The following CTNND2 variants were observed in gnomAD, a reference collection of about 807,000 sequenced individuals.
The protein encoded by CTNND2 is catenin delta-2.
Under a neutral mutation model 144.4 loss-of-function variants are expected in CTNND2, and 22 were observed. That is an observed-to-expected ratio of 0.15 (90% CI 0.11 to 0.22). The LOEUF is 0.22. CTNND2 is among the 10% of genes least tolerant of loss of function. CTNND2 has a pLI of 1.00. For missense variants in CTNND2, 1,353 were observed against 1,618.8 expected, an observed-to-expected ratio of 0.84 and a Z score of 2.82; for synonymous variants, 751 against 695.6, an observed-to-expected ratio of 1.08 and a Z score of -1.25.
chr5:11,492,500 T>C (rs949923453), intron 3 of CTNND2, among the ~76,000 whole-genome samples: 14 of 121,056 alleles, frequency 1.2e-4, no homozygotes, highest in African/African-American at 5.4e-4. Context: ...GCTATATATA[T>C]ATATATGTGT....
intron 3 of CTNND2, among the ~76,000 whole-genome samples, chr5:11,510,081 C>T (rs1276255699): frequency 6.6e-6 from 1 of 152,074 alleles, no homozygotes; most frequent in Admixed American, 6.6e-5. Flanking sequence ...CAGACACATG[C>T]CAGCACACTT....
intron 2 of CTNND2, among the ~76,000 whole-genome samples, chr5:11,577,741 T>TTC (rs1271938196): frequency 2.0e-5 from 3 of 152,344 alleles, no homozygotes; most frequent in East Asian, 1.9e-4. Context: ...CCTAATTTTC[T>TTC]TCGTTTACTG....
chr5:11,407,046 T>G (rs1371442665), intron 5 of CTNND2, among the ~76,000 whole-genome samples: 3 of 152,220 alleles, frequency 2.0e-5, no homozygotes, highest in African/African-American at 7.2e-5. Context: ...TTATTTTGAC[T>G]GACAACATTT....
chr5:11,245,453 T>C (rs1166023175), intron 9 of CTNND2, among the ~76,000 whole-genome samples: 1 of 151,990 alleles, frequency 6.6e-6, no homozygotes, highest in Non-Finnish European at 1.5e-5. Flanking sequence ...AGAGGGAGAC[T>C]GGACGCAGAA....
chr5:11,873,771 G>T (rs890890985), intron 1 of CTNND2, among the ~76,000 whole-genome samples: 1 of 152,136 alleles, frequency 6.6e-6, no homozygotes, highest in Non-Finnish European at 1.5e-5. Flanking sequence ...CCACCCCTTT[G>T]ACACCTGCCC....
intron 9 of CTNND2, among the ~76,000 whole-genome samples, chr5:11,245,542 A>G (rs775804057): frequency 6.6e-6 from 1 of 152,120 alleles, no homozygotes; most frequent in Non-Finnish European, 1.5e-5. Context: ...CAAGGGGTGC[A>G]AGGAATGCAG....
chr5:11,143,418 G>A (rs1756936693), intron 12 of CTNND2, among the ~76,000 whole-genome samples: 1 of 152,108 alleles, frequency 6.6e-6, no homozygotes, highest in Non-Finnish European at 1.5e-5. Flanking sequence ...ACTCGTTCTG[G>A]GCCTCTCTCT....
rs61750745 is a variant in CTNND2 at position 11,217,471 on chromosome 5, G to A, written c.1762-17810C>T. Among the ~76,000 whole-genome samples the A allele has an allele frequency of 4.1e-3, 618 of 152,288 alleles. 1 individual carries two copies. The highest frequency in any genetic ancestry group is 0.014 in the African/African-American group (590 of 41,568). ...TTGTTCTGATAAAGAGTCATAGGCAGTGCCTATGATTTCATTGTGGAAAAG... is the reference window on the plus strand; with the variant it reads ...TTGTTCTGATAAAGAGTCATAGGCAATGCCTATGATTTCATTGTGGAAAAG... On this transcript the variant is annotated intron_variant, in intron 10 of 21. Transcript: ENST00000304623.
At chr5:11,507,894 A>G (rs962656085) in intron 3 of CTNND2, among the ~76,000 whole-genome samples, 3 of 151,928 alleles carry the variant, frequency 2.0e-5, no homozygotes, top group Non-Finnish European at 4.4e-5. Context: ...GTTCCAAAAT[A>G]CTCGGTGGGA....
chr5:11,209,211 C>A (rs980403205), intron 10 of CTNND2, among the ~76,000 whole-genome samples: 1 of 152,108 alleles, frequency 6.6e-6, no homozygotes, highest in Non-Finnish European at 1.5e-5. Context: ...TTCTAACTTT[C>A]ATCTGGAATA....
intron 3 of CTNND2, among the ~76,000 whole-genome samples, chr5:11,464,695 T>C (rs1462173795): frequency 3.3e-5 from 5 of 152,092 alleles, no homozygotes; most frequent in Non-Finnish European, 5.9e-5. Flanking sequence ...GGTGAGAGCA[T>C]GGTGGACCAG....
chr5:11,608,430 C>T (rs1364194566), intron 2 of CTNND2, among the ~76,000 whole-genome samples: 1 of 152,142 alleles, frequency 6.6e-6, no homozygotes, highest in African/African-American at 2.4e-5. Flanking sequence ...CCATTATTCC[C>T]ATTCCACCAC....
chr5:11,149,450 G>A (rs1259663307), intron 12 of CTNND2, among the ~76,000 whole-genome samples: 1 of 152,090 alleles, frequency 6.6e-6, no homozygotes, highest in East Asian at 1.9e-4. Flanking sequence ...CCTCTCCCTG[G>A]GCACGGCCAT....
chr5:11,360,867 T>G (rs1226061676), intron 8 of CTNND2, among the ~76,000 whole-genome samples: 2 of 152,204 alleles, frequency 1.3e-5, no homozygotes, highest in East Asian at 3.9e-4. Flanking sequence ...ACAGAGTATC[T>G]TAAACAGATA....
intron 12 of CTNND2, among the ~76,000 whole-genome samples, chr5:11,152,879 G>C (rs1757868419): frequency 6.6e-6 from 1 of 152,148 alleles, no homozygotes; most frequent in Non-Finnish European, 1.5e-5. Context: ...ACCAGGTGTG[G>C]GAAAATGGGG....
rs1287201679 is a variant in CTNND2 at position 11,841,988 on chromosome 5, G to A, written c.37+61829C>T. Among the ~76,000 whole-genome samples the A allele has an allele frequency of 2.0e-5, 3 of 151,886 alleles. No individual in the cohort carries two copies. The East Asian group carries it at 5.8e-4, about 29-fold the overall frequency. ...CTGATAAAGCTTTCTGGTAAATATT[G>A]CAATGCAAGAGAAACAATATTTCTA... is the stretch of plus-strand genomic sequence containing the variant. On this transcript the variant is annotated intron_variant, in intron 1 of 21. Coordinates refer to ENST00000304623, the MANE Select transcript of CTNND2 (RefSeq NM_001332.4).
chr5:11,109,126 C>T (rs1752694290), intron 14 of CTNND2, among the ~76,000 whole-genome samples: 1 of 152,136 alleles, frequency 6.6e-6, no homozygotes, highest in South Asian at 2.1e-4. Context: ...GAGAAACTAG[C>T]AATTCCTTAG....
chr5:11,294,368 G>C (rs946590522), intron 9 of CTNND2, among the ~76,000 whole-genome samples: 1 of 152,130 alleles, frequency 6.6e-6, no homozygotes, highest in African/African-American at 2.4e-5. Context: ...GTGCTGAGTT[G>C]TGAAATGAAC....
At chr5:11,483,189 G>C (rs918881348) in intron 3 of CTNND2, among the ~76,000 whole-genome samples, 1 of 152,176 alleles carries the variant, frequency 6.6e-6, no homozygotes, top group Non-Finnish European at 1.5e-5. Flanking sequence ...CAATGGGGTG[G>C]ATGAATTGAA....
Sources: gnomAD v4.1 joint callset for allele counts (sites outside exome capture counted in the v4.1 genomes callset) on GRCh38, gnomAD v4.1.1 for gene constraint, MANE v1.5 for transcripts, NCBI Gene and HGNC (gene_info 2026-07-23, HGNC 2026-07-21) for gene names.